Variants in GRIK3 observed in about 807,000 individuals in gnomAD.
GRIK3 encodes glutamate receptor ionotropic, kainate 3.
GRIK3 carries 29 observed loss-of-function variants against 102.5 expected under a neutral mutation model. The ratio of observed to expected loss-of-function variants is 0.28; its 90% confidence interval spans 0.21 to 0.39. The LOEUF (loss-of-function observed/expected upper bound fraction) is 0.39. GRIK3 is among the 10% of genes least tolerant of loss of function. GRIK3 has a pLI of 1.00. For synonymous variants in GRIK3, 511 were observed against 504.9 expected (o/e 1.01, Z -0.16); for missense variants, 908 against 1,252.4 (o/e 0.73, Z 4.15).
intron 1 of GRIK3, among the ~76,000 whole-genome samples, chr1:36,986,386 TCCA>T (rs1642305022): frequency 6.6e-6 from 1 of 150,920 alleles, no homozygotes; most frequent in Non-Finnish European, 1.5e-5. Flanking sequence ...CATCCATCCA[TCCA>T]TCCATCCATC....
intron 1 of GRIK3, among the ~76,000 whole-genome samples, chr1:36,949,610 G>C (rs1429447895): frequency 3.3e-5 from 3 of 90,748 alleles, no homozygotes; most frequent in Non-Finnish European, 5.9e-5. Context: ...GTCTCGCTCT[G>C]TTGCCCCAGG....
chr1:37,030,529 T>TCCCCCCCCCCCCCCCCCCCCCCCCCCCCC (rs1442097555), intron 1 of GRIK3, among the ~76,000 whole-genome samples: 1 of 117,284 alleles, frequency 8.5e-6, no homozygotes, highest in African/African-American at 4.1e-5. Flanking sequence ...ACCCTTCCTT[T>TCCCCCCCCCCCCCCCCCCCCCCCCCCCCC]TCCCCACCCC....
intron 1 of GRIK3, among the ~76,000 whole-genome samples, chr1:37,002,566 T>G (rs1642488730): frequency 2.0e-5 from 3 of 152,174 alleles, no homozygotes. Flanking sequence ...CTGTGTTTCA[T>G]CATCATGTCT....
rs114626644 is a variant in GRIK3 at position 36,951,864 on chromosome 1, C to T, written c.116-60768G>A. ...AGAAGGAGGTTGGAGGGCGGAGGGGCGGGAGGACCACAGGAGGCAGGGCAG... is the reference window on the plus strand; with the variant it reads ...AGAAGGAGGTTGGAGGGCGGAGGGGTGGGAGGACCACAGGAGGCAGGGCAG... On this transcript the variant is annotated intron_variant, in intron 1 of 15. Coordinates refer to ENST00000373091, the MANE Select transcript of GRIK3 (RefSeq NM_000831.4). Among the ~76,000 whole-genome samples the T allele has an allele frequency of 9.0e-3, 1,348 of 150,472 alleles. 19 individuals are homozygous for T. Among genetic ancestry groups the T allele is most frequent in the South Asian group, 0.028 (131 of 4,732 alleles).
chr1:36,977,128 C>T (rs1642204080), intron 1 of GRIK3, among the ~76,000 whole-genome samples: 1 of 152,190 alleles, frequency 6.6e-6, no homozygotes, highest in African/African-American at 2.4e-5. Flanking sequence ...GATTCAAATC[C>T]CGCATGGACC....
At chr1:37,011,042 A>T (rs986396786) in intron 1 of GRIK3, among the ~76,000 whole-genome samples, 4 of 152,092 alleles carry the variant, frequency 2.6e-5, no homozygotes, top group African/African-American at 9.7e-5. Flanking sequence ...CGCCCGGCCT[A>T]CCTGTACCAC....
At chr1:36,993,035 C>A (rs1013972153) in intron 1 of GRIK3, among the ~76,000 whole-genome samples, 1 of 151,610 alleles carries the variant, frequency 6.6e-6, no homozygotes, top group African/African-American at 2.4e-5. Context: ...AACATCAGTG[C>A]GAACATGGCA....
chr1:36,809,493 C>T (rs755380214), intron 13 of GRIK3, among the ~76,000 whole-genome samples: 1 of 152,122 alleles, frequency 6.6e-6, no homozygotes, highest in Non-Finnish European at 1.5e-5. Context: ...AGTCATCCAT[C>T]CAATAAATCT....
chr1:36,797,619 G>A lies in GRIK3; in HGVS notation c.*4232C>T, dbSNP rs961611428. ...AGGCTGGGCCCATCCCAGATGATAA[G>A]TCCATGCAGCTGTTTGTCCAAACCT... On this transcript the variant is annotated 3_prime_UTR_variant, in exon 16 of 16. Coordinates refer to ENST00000373091, the MANE Select transcript of GRIK3 (RefSeq NM_000831.4). 6.6e-6 allele frequency: 1 copy of A among 152,286 alleles called. No individual in the cohort carries two copies. Among genetic ancestry groups the A allele is most frequent in the Non-Finnish European group, 1.5e-5 (1 of 68,084 alleles). The allele number at this position is 152,286 out of a possible 1,614,324, so 9.4% of individuals were successfully genotyped here.
At chr1:36,978,006 G>A (rs1010649399) in intron 1 of GRIK3, among the ~76,000 whole-genome samples, 17 of 152,246 alleles carry the variant, frequency 1.1e-4, no homozygotes, top group African/African-American at 3.9e-4. Flanking sequence ...GCTGATTATG[G>A]CAGTGTTCCC....
intron 1 of GRIK3, among the ~76,000 whole-genome samples, chr1:36,997,821 A>G (rs1642436271): frequency 6.6e-6 from 1 of 152,142 alleles, no homozygotes; most frequent in Non-Finnish European, 1.5e-5. Flanking sequence ...GGGTGACCAG[A>G]TACAGCCTGG....
chr1:36,947,368 G>A (rs1401262951), intron 1 of GRIK3, among the ~76,000 whole-genome samples: 1 of 151,834 alleles, frequency 6.6e-6, no homozygotes, highest in South Asian at 2.1e-4. Flanking sequence ...ACCCCTCCAC[G>A]CTGGTCTCAG....
At chr1:36,958,207 G>C (rs1570823932) in intron 1 of GRIK3, among the ~76,000 whole-genome samples, 2 of 92,378 alleles carry the variant, frequency 2.2e-5, no homozygotes, top group African/African-American at 4.6e-5. Flanking sequence ...TGCCCTGTGA[G>C]TCTGTGCCCC....
chr1:36,804,976 C>A lies in GRIK3; in HGVS notation c.2565+11G>T. ...TCCCATCCTGTGCAGGCTCCAAGCTCTAAGGCTTACCTGCTCTCTCTCTGC... is the reference window on the plus strand; with the variant it reads ...TCCCATCCTGTGCAGGCTCCAAGCTATAAGGCTTACCTGCTCTCTCTCTGC... On this transcript the variant is annotated intron_variant, in intron 15 of 15. Coordinates refer to ENST00000373091, the MANE Select transcript of GRIK3 (RefSeq NM_000831.4). 1 of 1,614,046 alleles carries A rather than the reference C, an allele frequency of 6.2e-7. No individual in the cohort carries two copies. Among genetic ancestry groups the A allele is most frequent in the Non-Finnish European group, 8.5e-7 (1 of 1,179,932 alleles).
At chr1:36,892,744 A>C (rs936748736) in intron 1 of GRIK3, among the ~76,000 whole-genome samples, 2 of 152,216 alleles carry the variant, frequency 1.3e-5, no homozygotes, top group Non-Finnish European at 2.9e-5. Flanking sequence ...ATGTTTTAAA[A>C]AGAATGAGAG....
At chr1:36,997,652 G>A (rs1265005923) in intron 1 of GRIK3, among the ~76,000 whole-genome samples, 1 of 152,186 alleles carries the variant, frequency 6.6e-6, no homozygotes, top group African/African-American at 2.4e-5. Flanking sequence ...GGGTGGCCAG[G>A]CCCACCTTGG....
chr1:36,909,013 C>A (rs932382676), intron 1 of GRIK3, among the ~76,000 whole-genome samples: 7 of 152,170 alleles, frequency 4.6e-5, no homozygotes, highest in Admixed American at 2.0e-4. Flanking sequence ...CTCATGAGAA[C>A]CTCTACAACC....
intron 1 of GRIK3, among the ~76,000 whole-genome samples, chr1:37,028,646 G>T (rs186051090): frequency 1.3e-5 from 2 of 152,296 alleles, no homozygotes; most frequent in East Asian, 1.9e-4. Context: ...AATGGGGAGT[G>T]GGGGTAGGGG....
chr1:37,025,431 G>C, intron 1 of GRIK3, among the ~76,000 whole-genome samples: 1 of 152,230 alleles, frequency 6.6e-6, no homozygotes, highest in Non-Finnish European at 1.5e-5. Context: ...AGTGCTTTGG[G>C]TGATTCTGGC....
Sources: gnomAD v4.1 joint callset for allele counts (sites outside exome capture counted in the v4.1 genomes callset) on GRCh38, gnomAD v4.1.1 for gene constraint, MANE v1.5 for transcripts, NCBI Gene and HGNC (gene_info 2026-07-23, HGNC 2026-07-21) for gene names.